POLDIP3: variants seen among roughly 807,000 people sequenced by gnomAD.
POLDIP3 encodes DNA polymerase delta interacting protein 3, also known as polymerase delta-interacting protein 3.
In POLDIP3, 14 loss-of-function variants were observed where a neutral mutation model predicts 45.1. The observed-to-expected ratio is 0.31, with a 90% CI of 0.20 to 0.49. The LOEUF is 0.49. Ranked by LOEUF, POLDIP3 falls within the 20% of genes least tolerant of loss-of-function variation. POLDIP3 has a pLI of 0.99. For missense variants in POLDIP3, 511 were observed against 538.8 expected (o/e 0.95, Z 0.51); for synonymous variants, 223 against 205.2 (o/e 1.09, Z -0.74).
intron 1 of POLDIP3, among the ~76,000 whole-genome samples, chr22:42,605,828 T>C (rs1336544183): frequency 1.3e-5 from 2 of 152,192 alleles, no homozygotes; most frequent in Non-Finnish European, 1.5e-5. Flanking sequence ...ACTGGGACTA[T>C]GCTTTGGGGT....
intron 3 of POLDIP3, among the ~76,000 whole-genome samples, chr22:42,601,654 A>C (rs1926383760): frequency 1.3e-5 from 2 of 152,166 alleles, no homozygotes; most frequent in Middle Eastern, 3.2e-3. Flanking sequence ...CCAGATACTC[A>C]GGAGGCTGAG....
chr22:42,614,758 G>A (rs746433126), intron 1 of POLDIP3, 41 bp downstream of exon 1: 1 of 1,608,840 alleles, frequency 6.2e-7, no homozygotes, highest in Non-Finnish European at 8.5e-7. Context: ...GCTCCACTAG[G>A]CCGAGGACCC....
At position 42,614,706 on chromosome 22, in the gene POLDIP3, G is replaced by A. The variant is rs1445846860; in HGVS notation, c.59+93C>T. On this transcript the variant is annotated intron_variant, in intron 1 of 8. Transcript: ENST00000252115. ...CTGTGGTCGGGGGCGGGCGCACCCGGTCCTCCGCGTCGCTCCCGGATCGCT... is the reference window on the plus strand; with the variant it reads ...CTGTGGTCGGGGGCGGGCGCACCCGATCCTCCGCGTCGCTCCCGGATCGCT... 6.4e-6 allele frequency: 9 copies of A among 1,402,802 alleles called. No individual in the cohort carries two copies. In the African/African-American group the frequency reaches 1.3e-4, roughly 20 times the overall value. The allele number at this position is 1,402,802 out of a possible 1,614,324, so 86.9% of individuals were successfully genotyped here. A position where few individuals can be genotyped will look rare whatever the true frequency, so the allele number is the denominator to read the frequency against.
intron 6 of POLDIP3, among the ~76,000 whole-genome samples, chr22:42,594,952 C>T (rs1925894273): frequency 6.6e-6 from 1 of 152,230 alleles, no homozygotes; most frequent in African/African-American, 2.4e-5. Context: ...CTCTGAGATT[C>T]AGGCCAGGCA....
Position 42,603,120 on chromosome 22 carries a change from C to A in POLDIP3, c.100G>T (p.Val34Phe). ...CTGAGAAGGCCTTGCTGGATCCCAA[C>A]TCGAGATCGGACACCTCCAACTCCC... ...RPGVGGVRSR[V>F]GIQQGLLSQS... The change falls in exon 2 of 9, where the codon GTT (valine) becomes TTT (phenylalanine). Residue 34 changes from valine to phenylalanine, a missense_variant. This residue lies in a region of POLDIP3 where 378 missense variants were observed against 352.3 expected (regional missense o/e 1.07). Coordinates refer to ENST00000252115, the MANE Select transcript of POLDIP3 (RefSeq NM_032311.5). 1 of 1,614,118 alleles carries A rather than the reference C, an allele frequency of 6.2e-7. No individual in the cohort carries two copies. The highest frequency in any genetic ancestry group is 8.5e-7 in the Non-Finnish European group (1 of 1,180,026).
rs750575227 is a variant in POLDIP3 at position 42,585,217 on chromosome 22, G to A, written c.*574C>T. Reference sequence around the variant, plus strand: ...TCATCCTGCCCTTGCCACTAGTGAGGCCTGGAGCCACTGGGGAGAGGACAA... The same window carrying A: ...TCATCCTGCCCTTGCCACTAGTGAGACCTGGAGCCACTGGGGAGAGGACAA... On this transcript the variant is annotated 3_prime_UTR_variant, in exon 9 of 9. Coordinates refer to ENST00000252115, the MANE Select transcript of POLDIP3 (RefSeq NM_032311.5). 3.9e-6 allele frequency: 2 copies of A among 512,512 alleles called. No homozygotes were observed. The highest frequency in any genetic ancestry group is 7.8e-6 in the Non-Finnish European group (2 of 257,306). 31.7% of individuals were successfully genotyped at this position (512,512 alleles called of 1,614,324 possible). A position where few individuals can be genotyped will look rare whatever the true frequency, so the allele number is the denominator to read the frequency against.
At chr22:42,591,108 TA>T (rs975658452) in intron 7 of POLDIP3, among the ~76,000 whole-genome samples, 1 of 147,472 alleles carries the variant, frequency 6.8e-6, no homozygotes, top group Admixed American at 6.7e-5. Flanking sequence ...AAAATAAAAA[TA>T]AAAAAAAGAA....
chr22:42,594,154 G>A (rs781311354), intron 6 of POLDIP3, among the ~76,000 whole-genome samples: 2 of 152,174 alleles, frequency 1.3e-5, no homozygotes, highest in Non-Finnish European at 2.9e-5. Flanking sequence ...CCAGCTACCA[G>A]GGAGGCTGAG....
In POLDIP3 at chr22:42,585,694, G is replaced by A; in HGVS notation, c.*97C>T. On this transcript the variant is annotated 3_prime_UTR_variant, in exon 9 of 9. Coordinates refer to ENST00000252115, the MANE Select transcript of POLDIP3 (RefSeq NM_032311.5). The stretch of plus-strand genomic sequence containing the variant: ...CCCTGGCAACCCTTCCCACAATCAG[G>A]GGTCTCCAGTCCGATGGCCCATTGG... 7.2e-7 allele frequency: 1 copy of A among 1,394,358 alleles called. No individual in the cohort carries two copies. The highest frequency in any genetic ancestry group is 9.8e-7 in the Non-Finnish European group (1 of 1,022,136). 86.4% of individuals were successfully genotyped at this position (1,394,358 alleles called of 1,614,324 possible).
chr22:42,603,088 T>G lies in POLDIP3; in HGVS notation c.132A>C (p.Ser44=). The G allele has an allele frequency of 4.3e-6, 7 of 1,614,198 alleles. No individual in the cohort carries two copies. Among genetic ancestry groups the G allele is most frequent in the Non-Finnish European group, 5.9e-6 (7 of 1,180,032 alleles). Reference sequence around the variant, plus strand: ...TCTGCTGGAAGGTGGCTGTGCGTGTTGACTGGCTGAGAAGGCCTTGCTGGA... The same window carrying G: ...TCTGCTGGAAGGTGGCTGTGCGTGTGGACTGGCTGAGAAGGCCTTGCTGGA... ...VGIQQGLLSQ[S]TRTATFQQRF... The change falls in exon 2 of 9, where the codon TCA becomes TCC. Residue 44 remains serine (S), a synonymous_variant. Transcript: ENST00000252115.
In POLDIP3 at chr22:42,602,773, G is replaced by C; in HGVS notation, c.447C>G (p.Ile149Met). 1 of 1,595,430 alleles carries C rather than the reference G, an allele frequency of 6.3e-7. No individual in the cohort carries two copies. ...VTPALKLTKTIQVPQQKAMAP... is the reference protein window; with the variant it reads ...VTPALKLTKTMQVPQQKAMAP... ...CATGACAAAAGCCACAACTCACCTG[G>C]ATGGTTTTGGTGAGCTTCAGAGCAG... The change falls in exon 2 of 9, where the codon ATC becomes ATG. Residue 149 changes from isoleucine to methionine, a missense_variant. Transcript: ENST00000252115.
At position 42,585,955 on chromosome 22, in the gene POLDIP3, T is replaced by TGTC; in HGVS notation, c.1099_1101dup (p.Asp367dup). 6.2e-7 allele frequency: 1 copy of TGTC among 1,612,442 alleles called. No homozygotes were observed. Among genetic ancestry groups the TGTC allele is most frequent in the Non-Finnish European group, 8.5e-7 (1 of 1,179,208 alleles). Reference sequence around the variant, plus strand: ...TCGCTCTCCTTTTTCATTGATGGGCTGTCACTCAGCCGCCTGTGGAGAGCA... The same window carrying TGTC: ...TCGCTCTCCTTTTTCATTGATGGGCTGTCGTCACTCAGCCGCCTGTGGAGAGCA... On this transcript the variant is annotated inframe_insertion, in exon 9 of 9. Coordinates refer to ENST00000252115, the MANE Select transcript of POLDIP3 (RefSeq NM_032311.5).
intron 1 of POLDIP3, among the ~76,000 whole-genome samples, chr22:42,610,848 G>C (rs974375738): frequency 6.6e-6 from 1 of 152,226 alleles, no homozygotes; most frequent in African/African-American, 2.4e-5. Context: ...AGAGGTTGGA[G>C]TGAGCTGTGA....
chr22:42,593,742 C>G (rs565403460), intron 6 of POLDIP3, among the ~76,000 whole-genome samples: 25 of 152,336 alleles, frequency 1.6e-4, no homozygotes, highest in African/African-American at 4.6e-4. Flanking sequence ...TGGTCTCGAA[C>G]TCCTGACCTC....
intron 2 of POLDIP3, 124 bp from the exon 3 acceptor site, chr22:42,602,180 G>GT: frequency 3.5e-6 from 5 of 1,448,420 alleles, no homozygotes; most frequent in Non-Finnish European, 4.7e-6. Context: ...AGGCACTACA[G>GT]AGGGCCTTAT....
intron 1 of POLDIP3, among the ~76,000 whole-genome samples, chr22:42,609,263 G>A (rs1049463747): frequency 7.2e-5 from 11 of 152,218 alleles, no homozygotes; most frequent in African/African-American, 2.4e-4. Flanking sequence ...TTGGGAGGGC[G>A]AAGGAGGAAG....
chr22:42,608,022 G>A (rs1014425150), intron 1 of POLDIP3, among the ~76,000 whole-genome samples: 1 of 152,154 alleles, frequency 6.6e-6, no homozygotes, highest in Non-Finnish European at 1.5e-5. Flanking sequence ...GGGAAGTGAG[G>A]AGCCCCTCTG....
In POLDIP3 at chr22:42,585,114, T is replaced by C. The variant is rs1925215294; in HGVS notation, c.*677A>G. 6.8e-6 allele frequency: 3 copies of C among 437,972 alleles called. No individual in the cohort carries two copies. The highest frequency in any genetic ancestry group is 3.2e-5 in the South Asian group (2 of 61,942). The allele number at this position is 437,972 out of a possible 1,614,324, so 27.1% of individuals were successfully genotyped here. ...TCAAGGAAAAGGGAAAGGTGAACTC[T>C]GGAGAACTTCCTCTGGGTGGAGACG... On this transcript the variant is annotated 3_prime_UTR_variant, in exon 9 of 9. Transcript: ENST00000252115.
rs1016778345 is a variant in POLDIP3 at position 42,614,713 on chromosome 22, G to A, written c.59+86C>T. On this transcript the variant is annotated intron_variant, in intron 1 of 8. Coordinates refer to ENST00000252115, the MANE Select transcript of POLDIP3 (RefSeq NM_032311.5). ...CGGGGGCGGGCGCACCCGGTCCTCC[G>A]CGTCGCTCCCGGATCGCTACCTCCC... 8.2e-6 allele frequency: 12 copies of A among 1,460,980 alleles called. No individual in the cohort carries two copies. The Admixed American group carries it at 1.0e-4, about 12-fold the overall frequency. The allele number at this position is 1,460,980 out of a possible 1,614,324, so 90.5% of individuals were successfully genotyped here.
Sources: gnomAD v4.1 joint callset for allele counts (sites outside exome capture counted in the v4.1 genomes callset) on GRCh38, gnomAD v4.1.1 for gene constraint, gnomAD v4.1.1 regional missense constraint, MANE v1.5 for transcripts, NCBI Gene and HGNC (gene_info 2026-07-23, HGNC 2026-07-21) for gene names.